Variants in HSBP1 observed in about 807,000 individuals in gnomAD.
HSBP1 encodes heat shock factor-binding protein 1.
HSBP1 carries 5 observed loss-of-function variants against 9.6 expected under a neutral mutation model. That is an observed-to-expected ratio of 0.52 (90% CI 0.27 to 1.09). The LOEUF (loss-of-function observed/expected upper bound fraction) is 1.09, where lower values mean the gene tolerates loss of function less well. Among genes scored for constraint, HSBP1 ranks in the 50% least tolerant of loss-of-function variants. The pLI, the probability that HSBP1 is intolerant of heterozygous loss-of-function variation, is 0.11. For missense variants in HSBP1, 121 were observed against 96.3 expected (o/e 1.26, Z -1.07); for synonymous variants, 42 against 33.3 (o/e 1.26, Z -0.90).
Position 83,816,399 on chromosome 16 carries a change from C to T in HSBP1, c.*4981C>T, listed in dbSNP as rs1324372414. The T allele has an allele frequency of 1.3e-5, 2 of 151,686 alleles. No individual in the cohort carries two copies. The highest frequency in any genetic ancestry group is 2.9e-5 in the Non-Finnish European group (2 of 67,976). The allele number at this position is 151,686 out of a possible 1,614,324, so 9.4% of individuals were successfully genotyped here. A position where few individuals can be genotyped will look rare whatever the true frequency, so the allele number is the denominator to read the frequency against. On this transcript the variant is annotated 3_prime_UTR_variant, in exon 4 of 4. Transcript: ENST00000433866. ...TGGGTAACAGAGCGAGACTCCATCT[C>T]AAAAAATAAAAAACAAAAAAATAAA... is the stretch of plus-strand genomic sequence containing the variant.
rs934956663 is a variant in HSBP1, at chr16:83,816,997, G to A, written c.*5579G>A. On this transcript the variant is annotated 3_prime_UTR_variant, in exon 4 of 4. Coordinates refer to ENST00000433866, the MANE Select transcript of HSBP1 (RefSeq NM_001537.4). ...ACTGGAGATGGTTAAATCGGAATTA[G>A]CTGACTGTCAACCTTGGTGGCACAT... 1 of 152,200 alleles carries A rather than the reference G, an allele frequency of 6.6e-6. No homozygotes were observed. The highest frequency in any genetic ancestry group is 1.5e-5 in the Non-Finnish European group (1 of 68,042). 9.4% of individuals were successfully genotyped at this position (152,200 alleles called of 1,614,324 possible).
rs1268065974 is a variant in HSBP1, at chr16:83,812,246, AAGAG to A, written c.*832_*835del. On this transcript the variant is annotated 3_prime_UTR_variant, in exon 4 of 4. Transcript: ENST00000433866. ...CCTTTGAGCTAGTGACTTGAAAAGA[AAGAG>A]AGAAGGAAAAGAGACCATATTAAGT... is the stretch of plus-strand genomic sequence containing the variant. 1.3e-5 allele frequency: 2 copies of A among 152,682 alleles called. No homozygotes were observed. Among genetic ancestry groups the A allele is most frequent in the Non-Finnish European group, 2.9e-5 (2 of 68,042 alleles). 9.5% of individuals were successfully genotyped at this position (152,682 alleles called of 1,614,324 possible). A position where few individuals can be genotyped will look rare whatever the true frequency, so the allele number is the denominator to read the frequency against.
intron 2 of HSBP1, 22 bp from the exon 3 acceptor site, chr16:83,809,283 G>A (rs1441265652): frequency 7.0e-7 from 1 of 1,430,122 alleles, no homozygotes; most frequent in African/African-American, 1.4e-5. Context: ...ATGTTGGCAC[G>A]CGTTGTCTTT....
chr16:83,808,324 A>C, intron 1 of HSBP1: 1 of 561,716 alleles, frequency 1.8e-6, no homozygotes, highest in South Asian at 2.3e-5. Context: ...GGCGCCCCCA[A>C]GCCCGACCCC....
At chr16:83,809,092 G>T (rs542629725) in intron 2 of HSBP1, 79 of 552,620 alleles carry the variant, frequency 1.4e-4, no homozygotes, top group African/African-American at 1.4e-3. Context: ...GAGGTTTAGG[G>T]GTTCCATCAC....
chr16:83,811,775 A>G lies in HSBP1; in HGVS notation c.*357A>G, dbSNP rs1904606633. The G allele has an allele frequency of 6.6e-6, 1 of 152,180 alleles. No individual in the cohort carries two copies. The highest frequency in any genetic ancestry group is 1.5e-5 in the Non-Finnish European group (1 of 68,028). The allele number at this position is 152,180 out of a possible 1,614,324, so 9.4% of individuals were successfully genotyped here. ...AAAGTTGATGTGTGATTTTTTATTA[A>G]ACAAATAGTAAACCCTTCAATTATA... On this transcript the variant is annotated 3_prime_UTR_variant, in exon 4 of 4. Coordinates refer to ENST00000433866, the MANE Select transcript of HSBP1 (RefSeq NM_001537.4).
At position 83,809,451 on chromosome 16, in the gene HSBP1, T is replaced by C. The variant is rs1407787433; in HGVS notation, c.*2+26T>C. The C allele has an allele frequency of 5.6e-6, 6 of 1,066,472 alleles. No homozygotes were observed. The Admixed American group carries it at 1.1e-4, about 20-fold the overall frequency. The allele number at this position is 1,066,472 out of a possible 1,614,324, so 66.1% of individuals were successfully genotyped here. A position where few individuals can be genotyped will look rare whatever the true frequency, so the allele number is the denominator to read the frequency against. On this transcript the variant is annotated intron_variant, in intron 3 of 3. Transcript: ENST00000433866. ...GTGAGGAAGGGGGCAATTTTTTTTT[T>C]CTTTTCTTTTCTTTTTTTTTTTTTT...
At chr16:83,808,304 T>C in intron 1 of HSBP1, 183 bp downstream of exon 1, 1 of 582,906 alleles carries the variant, frequency 1.7e-6, no homozygotes. Context: ...TGCGGGCCAG[T>C]CTCCCCGCGG....
rs1904753905 is a variant in HSBP1 at position 83,817,756 on chromosome 16, T to A, written c.*6338T>A. 6.6e-6 allele frequency: 1 copy of A among 152,200 alleles called. No homozygotes were observed. Among genetic ancestry groups the A allele is most frequent in the African/African-American group, 2.4e-5 (1 of 41,442 alleles). The allele number at this position is 152,200 out of a possible 1,614,324, so 9.4% of individuals were successfully genotyped here. ...TCATCAGAAGAGCCATTTCTGGAAA[T>A]GTAAATAATATGGCTGTTTCTTTTA... On this transcript the variant is annotated 3_prime_UTR_variant, in exon 4 of 4. Coordinates refer to ENST00000433866, the MANE Select transcript of HSBP1 (RefSeq NM_001537.4).
In HSBP1 at chr16:83,808,997, A is replaced by G. The variant is rs1053172055; in HGVS notation, c.112+251A>G. 3.5e-5 allele frequency: 19 copies of G among 547,976 alleles called. No homozygotes were observed. In the East Asian group the frequency reaches 3.5e-4, roughly 10 times the overall value. 33.9% of individuals were successfully genotyped at this position (547,976 alleles called of 1,614,324 possible). Reference sequence around the variant, plus strand: ...TGTGGTGGACCATGCACTGTGAACTAAGCGCTTTTGTGTGTGTCTTTTGAT... The same window carrying G: ...TGTGGTGGACCATGCACTGTGAACTGAGCGCTTTTGTGTGTGTCTTTTGAT... On this transcript the variant is annotated intron_variant, in intron 2 of 3. Transcript: ENST00000433866.
At position 83,812,133 on chromosome 16, in the gene HSBP1, A is replaced by G. The variant is rs1425001345; in HGVS notation, c.*715A>G. 6.6e-6 allele frequency: 1 copy of G among 152,628 alleles called. No individual in the cohort carries two copies. The highest frequency in any genetic ancestry group is 2.4e-5 in the African/African-American group (1 of 41,444). The allele number at this position is 152,628 out of a possible 1,614,324, so 9.5% of individuals were successfully genotyped here. ...TTGTTAGAGTTTTGCATGAGATTCT[A>G]ATACTTCAGTAGGACCCTACCTACG... On this transcript the variant is annotated 3_prime_UTR_variant, in exon 4 of 4. Coordinates refer to ENST00000433866, the MANE Select transcript of HSBP1 (RefSeq NM_001537.4).
rs1597257730 is a variant in HSBP1, at chr16:83,819,409, T to G, written c.*7991T>G. ...AAAATAATTGAAAAGGAATTGATTC[T>G]TAATTACCCAGAACGTCCACGCTCT... On this transcript the variant is annotated 3_prime_UTR_variant, in exon 4 of 4. Transcript: ENST00000433866. 1 of 152,252 alleles carries G rather than the reference T, an allele frequency of 6.6e-6. No individual in the cohort carries two copies. Among genetic ancestry groups the G allele is most frequent in the East Asian group, 1.9e-4 (1 of 5,180 alleles). The allele number at this position is 152,252 out of a possible 1,614,324, so 9.4% of individuals were successfully genotyped here. A position where few individuals can be genotyped will look rare whatever the true frequency, so the allele number is the denominator to read the frequency against.
At chr16:83,808,938 C>G (rs1318794348) in intron 2 of HSBP1, among the ~76,000 whole-genome samples, 192 bp downstream of exon 2, 1 of 152,188 alleles carries the variant, frequency 6.6e-6, no homozygotes, top group Non-Finnish European at 1.5e-5. Flanking sequence ...ACTCCTGGCT[C>G]AAGGAGCATA....
chr16:83,810,863 C>T (rs1280422330), intron 3 of HSBP1, among the ~76,000 whole-genome samples: 1 of 152,148 alleles, frequency 6.6e-6, no homozygotes, highest in Non-Finnish European at 1.5e-5. Flanking sequence ...GAGTACTAAG[C>T]AGAATGTACA....
intron 1 of HSBP1, 152 bp downstream of exon 1, chr16:83,808,273 C>T: frequency 1.5e-6 from 1 of 687,596 alleles, no homozygotes. Context: ...TCCCGGCCAC[C>T]TTGACCCCCG....
In HSBP1 at chr16:83,818,327, G is replaced by A. The variant is rs1282842800; in HGVS notation, c.*6909G>A. On this transcript the variant is annotated 3_prime_UTR_variant, in exon 4 of 4. Coordinates refer to ENST00000433866, the MANE Select transcript of HSBP1 (RefSeq NM_001537.4). ...TTTGTCTTCCCCATGATGAAAAACA[G>A]ACCCCATAGAAACTCTCTGGCACAA... 2 of 152,098 alleles carry A rather than the reference G, an allele frequency of 1.3e-5. No homozygotes were observed. Among genetic ancestry groups the A allele is most frequent in the Non-Finnish European group, 2.9e-5 (2 of 68,016 alleles). 9.4% of individuals were successfully genotyped at this position (152,098 alleles called of 1,614,324 possible).
At chr16:83,810,652 C>T (rs538216200) in intron 3 of HSBP1, among the ~76,000 whole-genome samples, 155 of 151,198 alleles carry the variant, frequency 1.0e-3, no homozygotes, top group African/African-American at 3.5e-3. Flanking sequence ...ACCTGGCCAA[C>T]ATGGTGAAAC....
Position 83,808,012 on chromosome 16 carries a change from T to C in HSBP1, c.-65T>C. 1.4e-6 allele frequency: 2 copies of C among 1,418,754 alleles called. No individual in the cohort carries two copies. The highest frequency in any genetic ancestry group is 1.9e-6 in the Non-Finnish European group (2 of 1,054,828). 87.9% of individuals were successfully genotyped at this position (1,418,754 alleles called of 1,614,324 possible). ...GCGAGAAGCAGCGGCCCGGGGCGAC[T>C]GAGCGGACAAACGGAAGTGTAGGTT... On this transcript the variant is annotated 5_prime_UTR_variant, in exon 1 of 4. Coordinates refer to ENST00000433866, the MANE Select transcript of HSBP1 (RefSeq NM_001537.4).
Position 83,814,897 on chromosome 16 carries a change from C to T in HSBP1, c.*3479C>T, listed in dbSNP as rs1904683632. On this transcript the variant is annotated 3_prime_UTR_variant, in exon 4 of 4. Transcript: ENST00000433866. ...TTCACATTGGTTTTCCATGCCTATA[C>T]CTGTCCTGTCTCCCACAAAAATTAT... 6.6e-6 allele frequency: 1 copy of T among 152,132 alleles called. No homozygotes were observed. 9.4% of individuals were successfully genotyped at this position (152,132 alleles called of 1,614,324 possible). A position where few individuals can be genotyped will look rare whatever the true frequency, so the allele number is the denominator to read the frequency against.
Sources: allele counts gnomAD v4.1 joint callset (sites outside exome capture counted in the v4.1 genomes callset), GRCh38; gene constraint gnomAD v4.1.1; transcripts MANE v1.5; gene names NCBI Gene and HGNC (gene_info 2026-07-23, HGNC 2026-07-21).